The following PRICKLE1 variants were observed in gnomAD, a reference collection of about 807,000 sequenced individuals.
The protein encoded by PRICKLE1 is prickle planar cell polarity protein 1, also known as prickle-like protein 1.
PRICKLE1 carries 14 observed loss-of-function variants against 70.2 expected under a neutral mutation model. The observed-to-expected ratio is 0.20, with a 90% CI of 0.13 to 0.31. PRICKLE1 has a LOEUF of 0.31. Ranked by LOEUF, PRICKLE1 falls within the 10% of genes least tolerant of loss-of-function variation. PRICKLE1 has a pLI of 1.00. For synonymous variants in PRICKLE1, 357 were observed against 379.9 expected, an observed-to-expected ratio of 0.94 and a Z score of 0.70; for missense variants, 821 against 1,026.2, an observed-to-expected ratio of 0.80 and a Z score of 2.73.
chr12:42,559,115 G>GGGCTAGA (rs1940458173), intron 1 of PRICKLE1, among the ~76,000 whole-genome samples: 1 of 152,144 alleles, frequency 6.6e-6, no homozygotes, highest in Non-Finnish European at 1.5e-5. Context: ...CTCTTGTGAA[G>GGGCTAGA]GGCTAGACAT....
rs1181684563 is a variant in PRICKLE1, at chr12:42,468,607, A to AG, written c.588+18dup. The AG allele has an allele frequency of 6.2e-7, 1 of 1,611,348 alleles. No individual in the cohort carries two copies. Among genetic ancestry groups the AG allele is most frequent in the Non-Finnish European group, 8.5e-7 (1 of 1,177,964 alleles). Reference sequence around the variant, plus strand: ...CTAAGCTTATTTTTCCCAGTGTGAAAGGATGAACTTTTTTTTACCTCGTCA... The same window carrying AG: ...CTAAGCTTATTTTTCCCAGTGTGAAAGGGATGAACTTTTTTTTACCTCGTCA... On this transcript the variant is annotated intron_variant, in intron 5 of 7. Coordinates refer to ENST00000345127, the MANE Select transcript of PRICKLE1 (RefSeq NM_153026.3).
intron 1 of PRICKLE1, among the ~76,000 whole-genome samples, chr12:42,521,934 GT>G (rs1939715675): frequency 8.0e-5 from 1 of 12,492 alleles, no homozygotes; most frequent in African/African-American, 1.2e-4. Flanking sequence ...TTTTTGGTGT[GT>G]GTGTGTGTGT....
At chr12:42,529,764 C>T (rs1021081528) in intron 1 of PRICKLE1, among the ~76,000 whole-genome samples, 1 of 151,968 alleles carries the variant, frequency 6.6e-6, no homozygotes, top group Non-Finnish European at 1.5e-5. Flanking sequence ...GGTATGGTTG[C>T]GCATGCCTAT....
chr12:42,477,482 GTATATATATATATATATATATATATATA>G lies in PRICKLE1; in HGVS notation c.-48-4946_-48-4919del, dbSNP rs139988285. 1.4e-3 allele frequency among the ~76,000 whole-genome samples: 165 copies of G among 116,404 alleles called. 1 individual carries two copies. Among genetic ancestry groups the G allele is most frequent in the African/African-American group, 4.4e-3 (139 of 31,942 alleles). The allele number at this position is 116,404 out of a possible 152,430, so 76.4% of individuals were successfully genotyped here. ...CGTATATATGTGTGTGTGTGTGTGT[GTATATATATATATATATATATATATATA>G]TATATATATATATATATATATATGA... On this transcript the variant is annotated intron_variant, in intron 1 of 7. Transcript: ENST00000345127.
intron 1 of PRICKLE1, among the ~76,000 whole-genome samples, chr12:42,549,528 C>G (rs1008652117): frequency 3.9e-5 from 6 of 152,136 alleles, no homozygotes; most frequent in African/African-American, 1.4e-4. Flanking sequence ...ACTGACATCT[C>G]CACCTCGATG....
chr12:42,538,160 A>G (rs73277841), intron 1 of PRICKLE1, among the ~76,000 whole-genome samples: 4,175 of 152,196 alleles, frequency 0.027, 199 homozygotes, highest in African/African-American at 0.096. Context: ...AAATATATAT[A>G]TCCAGTGCTC....
At chr12:42,499,581 C>T (rs544506139) in intron 1 of PRICKLE1, among the ~76,000 whole-genome samples, 54 of 151,968 alleles carry the variant, frequency 3.6e-4, no homozygotes, top group Non-Finnish European at 6.2e-4. Flanking sequence ...CCACCACACC[C>T]GGCTCATTTT....
chr12:42,459,608 T>C lies in PRICKLE1; in HGVS notation c.*201A>G. 1 of 692,806 alleles carries C rather than the reference T, an allele frequency of 1.4e-6. No homozygotes were observed. Among genetic ancestry groups the C allele is most frequent in the Non-Finnish European group, 2.5e-6 (1 of 405,416 alleles). 42.9% of individuals were successfully genotyped at this position (692,806 alleles called of 1,614,324 possible). On this transcript the variant is annotated 3_prime_UTR_variant, in exon 8 of 8. Transcript: ENST00000345127. ...ACAGGCACGAGATGTCACGTCCACC[T>C]GGCACCATCCAAAGAGGGTAAATTG...
At chr12:42,499,769 C>T (rs1409196526) in intron 1 of PRICKLE1, among the ~76,000 whole-genome samples, 1 of 151,018 alleles carries the variant, frequency 6.6e-6, no homozygotes, top group African/African-American at 2.4e-5. Flanking sequence ...GCTCTGTTGC[C>T]CACGCTGGAG....
chr12:42,521,437 T>C (rs1939706596), intron 1 of PRICKLE1, among the ~76,000 whole-genome samples: 1 of 152,090 alleles, frequency 6.6e-6, no homozygotes, highest in Non-Finnish European at 1.5e-5. Context: ...CAGTGGCTCA[T>C]ACCTGTAATC....
At chr12:42,583,155 GT>G (rs1940931304) in intron 1 of PRICKLE1, among the ~76,000 whole-genome samples, 2 of 150,540 alleles carry the variant, frequency 1.3e-5, no homozygotes, top group African/African-American at 4.8e-5. Context: ...AAACGTGTGT[GT>G]GTGTGTGTGT....
intron 1 of PRICKLE1, chr12:42,483,123 G>C (rs1293297700): frequency 6.5e-6 from 1 of 152,848 alleles, no homozygotes. Flanking sequence ...CTCCAGCATA[G>C]AACAGTCGCC....
At chr12:42,582,806 G>A (rs1940925877) in intron 1 of PRICKLE1, among the ~76,000 whole-genome samples, 1 of 152,166 alleles carries the variant, frequency 6.6e-6, no homozygotes, top group African/African-American at 2.4e-5. Flanking sequence ...AGATTTGTGT[G>A]TGTGTGTGAT....
chr12:42,484,989 A>C (rs1317975973), intron 1 of PRICKLE1, among the ~76,000 whole-genome samples: 1 of 152,200 alleles, frequency 6.6e-6, no homozygotes, highest in Non-Finnish European at 1.5e-5. Flanking sequence ...TCAGTAAATA[A>C]AAGCAATTTA....
intron 1 of PRICKLE1, among the ~76,000 whole-genome samples, chr12:42,515,748 A>T (rs893536378): frequency 5.3e-5 from 8 of 152,150 alleles, no homozygotes; most frequent in African/African-American, 1.9e-4. Flanking sequence ...CAGTATTGCC[A>T]TTATGATTTT....
At chr12:42,583,831 T>C (rs1175847283) in intron 1 of PRICKLE1, among the ~76,000 whole-genome samples, 1 of 152,140 alleles carries the variant, frequency 6.6e-6, no homozygotes, top group Admixed American at 6.6e-5. Context: ...AACACCTTCA[T>C]TAGGACCATC....
intron 1 of PRICKLE1, among the ~76,000 whole-genome samples, chr12:42,559,624 A>ATTTTT (rs201116185): frequency 1.3e-4 from 11 of 81,548 alleles, no homozygotes; most frequent in East Asian, 4.1e-4. Flanking sequence ...ATATATATAT[A>ATTTTT]TTTTTTTTTT....
intron 1 of PRICKLE1, among the ~76,000 whole-genome samples, chr12:42,487,394 C>T (rs1270291081): frequency 6.6e-6 from 1 of 152,136 alleles, no homozygotes; most frequent in Non-Finnish European, 1.5e-5. Flanking sequence ...CCAAGGTCTC[C>T]AATTACTCTT....
At chr12:42,574,844 G>C (rs893423340) in intron 1 of PRICKLE1, among the ~76,000 whole-genome samples, 8 of 150,602 alleles carry the variant, frequency 5.3e-5, no homozygotes, top group Non-Finnish European at 7.4e-5. Context: ...ATAACAATCA[G>C]GAAATGAAGA....
Sources: allele counts gnomAD v4.1 joint callset (sites outside exome capture counted in the v4.1 genomes callset), GRCh38; gene constraint gnomAD v4.1.1; transcripts MANE v1.5; gene names NCBI Gene and HGNC (gene_info 2026-07-23, HGNC 2026-07-21).